ZNF385D: variants seen among roughly 807,000 people sequenced by gnomAD.
ZNF385D encodes zinc finger protein 659.
A neutral mutation model predicts 35.8 loss-of-function variants in ZNF385D; 15 were observed. The ratio of observed to expected loss-of-function variants is 0.42; its 90% CI spans 0.28 to 0.64. The LOEUF is 0.64. Among genes scored for constraint, ZNF385D ranks in the 30% least tolerant of loss-of-function variants. The pLI is 0.23. For missense variants in ZNF385D, 474 were observed against 494.6 expected, an observed-to-expected ratio of 0.96 and a Z score of 0.39; for synonymous variants, 212 against 186.8, an observed-to-expected ratio of 1.13 and a Z score of -1.10.
At chr3:21,821,496 A>G (rs372440249) in intron 3 of ZNF385D, among the ~76,000 whole-genome samples, 11 of 152,356 alleles carry the variant, frequency 7.2e-5, no homozygotes, top group East Asian at 5.8e-4. Flanking sequence ...TGTAATGTAA[A>G]ATCTATTTAA....
At chr3:22,233,375 A>C (rs926523522) in intron 2 of ZNF385D, among the ~76,000 whole-genome samples, 2 of 152,182 alleles carry the variant, frequency 1.3e-5, no homozygotes, top group African/African-American at 2.4e-5. Flanking sequence ...AAGAAAATCC[A>C]ATCTGTAATG....
At position 21,646,740 on chromosome 3, in the gene ZNF385D, T is replaced by C. The variant is rs1209030433; in HGVS notation, c.165+18146A>G. Among the ~76,000 whole-genome samples the C allele has an allele frequency of 1.3e-5, 2 of 152,178 alleles. No homozygotes were observed. The highest frequency in any genetic ancestry group is 2.9e-5 in the Non-Finnish European group (2 of 68,030). On this transcript the variant is annotated intron_variant, in intron 2 of 7. Transcript: ENST00000281523. The surrounding 1 kb of genome is among the most constrained non-coding windows in gnomAD (Gnocchi z 4.3). ...TACAGACCCTTCCAGTTACTTTCCT[T>C]CCTTATATCATCTGGGAATGTATTA...
At chr3:22,255,259 G>A (rs1242088745) in intron 2 of ZNF385D, among the ~76,000 whole-genome samples, 1 of 128,930 alleles carries the variant, frequency 7.8e-6, no homozygotes, top group Non-Finnish European at 1.6e-5. Context: ...CACTGATTTT[G>A]TTATCATGTA....
At chr3:22,004,846 A>G (rs970348366) in intron 3 of ZNF385D, among the ~76,000 whole-genome samples, 22 of 152,260 alleles carry the variant, frequency 1.4e-4, no homozygotes, top group African/African-American at 5.1e-4. Flanking sequence ...GAACAAATGT[A>G]CATCTCACAT....
At chr3:21,429,531 T>C (rs946968479) in intron 5 of ZNF385D, among the ~76,000 whole-genome samples, 8 of 152,162 alleles carry the variant, frequency 5.3e-5, no homozygotes, top group African/African-American at 1.9e-4. Context: ...ATTAAATCTT[T>C]CATCACATTT....
At chr3:21,758,279 A>C (rs4588386) in intron 3 of ZNF385D, among the ~76,000 whole-genome samples, 44,116 of 152,092 alleles carry the variant, frequency 0.29, 6,702 homozygotes, top group Middle Eastern at 0.44. Context: ...CGGTTTCAAC[A>C]TATCCTAGAA....
chr3:22,034,458 T>C (rs1413979014), intron 3 of ZNF385D, among the ~76,000 whole-genome samples: 1 of 152,116 alleles, frequency 6.6e-6, no homozygotes, highest in East Asian at 1.9e-4. Flanking sequence ...CCAACTAAGA[T>C]ACACTCCACC....
intron 1 of ZNF385D, among the ~76,000 whole-genome samples, chr3:21,699,077 T>A (rs919350707): frequency 1.3e-5 from 2 of 152,132 alleles, no homozygotes; most frequent in Middle Eastern, 3.2e-3. Flanking sequence ...AGCAAAGACT[T>A]GGAACCAACC....
chr3:22,045,547 T>C (rs1445958135), intron 3 of ZNF385D, among the ~76,000 whole-genome samples: 2 of 152,130 alleles, frequency 1.3e-5, no homozygotes, highest in African/African-American at 4.8e-5. Context: ...TATTTAGAAA[T>C]TCAGGTGTGA....
chr3:22,110,165 T>C (rs1341884397), intron 3 of ZNF385D, among the ~76,000 whole-genome samples: 4 of 151,964 alleles, frequency 2.6e-5, no homozygotes, highest in Admixed American at 2.0e-4. Flanking sequence ...TGTGGAGAAA[T>C]AGGAACACTT....
chr3:22,034,021 C>T (rs910564422), intron 3 of ZNF385D, among the ~76,000 whole-genome samples: 1 of 152,158 alleles, frequency 6.6e-6, no homozygotes, highest in African/African-American at 2.4e-5. Context: ...GTCCTGCTTT[C>T]AGAGAACCCT....
intron 2 of ZNF385D, among the ~76,000 whole-genome samples, chr3:22,231,246 C>T (rs1396529057): frequency 6.6e-6 from 1 of 152,164 alleles, no homozygotes; most frequent in East Asian, 1.9e-4. Flanking sequence ...AGATCAGTGT[C>T]TGGAAGCCCA....
chr3:22,083,623 G>A (rs981929321), intron 3 of ZNF385D, among the ~76,000 whole-genome samples: 2 of 152,238 alleles, frequency 1.3e-5, no homozygotes, highest in Non-Finnish European at 2.9e-5. Context: ...ACCTGAAAGT[G>A]ATGGGGAGAA....
upstream of ZNF385D, among the ~76,000 whole-genome samples, chr3:21,754,598 G>T (rs1330648919): frequency 6.6e-6 from 1 of 151,932 alleles, no homozygotes; most frequent in Admixed American, 6.6e-5. Flanking sequence ...GTTTATCAGT[G>T]TACTAATTCA....
chr3:22,276,678 A>G (rs1315806317), intron 2 of ZNF385D, among the ~76,000 whole-genome samples: 1 of 152,168 alleles, frequency 6.6e-6, no homozygotes, highest in Admixed American at 6.6e-5. Context: ...GCATTTCACC[A>G]TCGGTGATAC....
At chr3:21,616,296 AG>A (rs1348566064) in intron 2 of ZNF385D, among the ~76,000 whole-genome samples, 1 of 152,180 alleles carries the variant, frequency 6.6e-6, no homozygotes, top group Non-Finnish European at 1.5e-5. Flanking sequence ...TTCCTTGCAA[AG>A]GAATCTGGGT....
At chr3:21,680,306 G>A (rs971587064) in intron 1 of ZNF385D, among the ~76,000 whole-genome samples, 4 of 152,006 alleles carry the variant, frequency 2.6e-5, no homozygotes, top group African/African-American at 9.7e-5. Flanking sequence ...TTTAAAGCAA[G>A]GTAAAGCAAT....
At position 22,220,993 on chromosome 3, in the gene ZNF385D, A is replaced by C. The variant is rs561743227; in HGVS notation, c.107-51958T>G. On this transcript the variant is annotated intron_variant, in intron 2 of 5. Transcript: ENST00000494108. ...GAGAAAGCAATCTCTATAAACAAAA[A>C]TAAAATTTCCTTTCATCTCTACATA... 1.2e-4 allele frequency among the ~76,000 whole-genome samples: 19 copies of C among 152,294 alleles called. 1 individual carries two copies. The highest frequency in any genetic ancestry group is 4.3e-4 in the African/African-American group (18 of 41,576).
At chr3:21,824,246 G>C (rs779768423) in intron 3 of ZNF385D, among the ~76,000 whole-genome samples, 2 of 152,036 alleles carry the variant, frequency 1.3e-5, no homozygotes, top group Admixed American at 1.3e-4. Context: ...TTAAATTAAC[G>C]TTATATTCAA....
Sources: gnomAD v4.1 joint callset for allele counts (sites outside exome capture counted in the v4.1 genomes callset) on GRCh38, gnomAD v4.1.1 for gene constraint, Gnocchi (gnomAD v3.1) non-coding constraint, MANE v1.5 for transcripts, NCBI Gene and HGNC (gene_info 2026-07-23, HGNC 2026-07-21) for gene names.